FSIP1: variants seen among roughly 807,000 people sequenced by gnomAD.
FSIP1 encodes fibrous sheath-interacting protein 1.
A neutral mutation model predicts 60.9 loss-of-function variants in FSIP1; 65 were observed. That is an observed-to-expected ratio of 1.07 (90% CI 0.87 to 1.31). The LOEUF (loss-of-function observed/expected upper bound fraction) is 1.31. Ranked by LOEUF, FSIP1 falls within the 40% of genes most tolerant of loss-of-function variation. The probability of loss-of-function intolerance (pLI) is 0.00; values close to 1 mark genes in which losing one functional copy is unlikely to be tolerated. For missense variants in FSIP1, 675 were observed against 665.5 expected (o/e 1.01, Z -0.16); for synonymous variants, 209 against 221.2 (o/e 0.94, Z 0.49).
In FSIP1 at chr15:39,779,821, T is replaced by C. The variant is rs555955773; in HGVS notation, c.-8+2807A>G. ...GATTTAAAGCCAAAATGGGGACATA[T>C]GGCTGCTATAATTTGGTATTTTGAG... On this transcript the variant is annotated intron_variant, in intron 1 of 11. Transcript: ENST00000350221. 1.2e-4 allele frequency among the ~76,000 whole-genome samples: 19 copies of C among 152,330 alleles called. No individual in the cohort carries two copies. In the East Asian group the frequency reaches 3.3e-3, roughly 26 times the overall value.
chr15:39,653,175 CAAAA>C (rs35671970), intron 10 of FSIP1, among the ~76,000 whole-genome samples: 1 of 116,670 alleles, frequency 8.6e-6, no homozygotes, highest in Admixed American at 9.3e-5. Context: ...GACTTTGTCT[CAAAA>C]AAAAAAAAAA....
intron 9 of FSIP1, among the ~76,000 whole-genome samples, chr15:39,726,345 C>T (rs575928595): frequency 4.6e-5 from 7 of 152,036 alleles, no homozygotes; most frequent in South Asian, 4.2e-4. Context: ...TGATCATGAT[C>T]GAGATTTAGC....
chr15:39,749,515 G>A (rs1321459097), intron 5 of FSIP1, among the ~76,000 whole-genome samples: 2 of 151,992 alleles, frequency 1.3e-5, no homozygotes, highest in Non-Finnish European at 1.5e-5. Flanking sequence ...TTTAACTTAT[G>A]TAAATCAATC....
chr15:39,772,716 G>A (rs1204285811), intron 2 of FSIP1, among the ~76,000 whole-genome samples: 2 of 151,728 alleles, frequency 1.3e-5, no homozygotes, highest in Non-Finnish European at 2.9e-5. Flanking sequence ...TCAGCCTCCC[G>A]AGTAGCTGGG....
At chr15:39,726,983 G>T (rs918458515) in intron 8 of FSIP1, among the ~76,000 whole-genome samples, 6 of 152,136 alleles carry the variant, frequency 3.9e-5, no homozygotes, top group African/African-American at 1.4e-4. Flanking sequence ...TTTAAGGGGG[G>T]TTTCCCCTGT....
chr15:39,648,652 G>A (rs1195374733), intron 10 of FSIP1, among the ~76,000 whole-genome samples: 1 of 152,168 alleles, frequency 6.6e-6, no homozygotes, highest in East Asian at 1.9e-4. Flanking sequence ...ACTAACATTG[G>A]TGCCCAAAAG....
At chr15:39,690,753 C>T (rs555563081) in intron 10 of FSIP1, among the ~76,000 whole-genome samples, 20 of 152,338 alleles carry the variant, frequency 1.3e-4, no homozygotes, top group Middle Eastern at 3.4e-3. Context: ...TGATGCCTCA[C>T]ACTTGGGATC....
Position 39,600,836 on chromosome 15 carries a change from C to T in FSIP1, c.*44G>A. 1 of 1,493,860 alleles carries T rather than the reference C, an allele frequency of 6.7e-7. No homozygotes were observed. Among genetic ancestry groups the T allele is most frequent in the Non-Finnish European group, 9.2e-7 (1 of 1,087,478 alleles). The allele number at this position is 1,493,860 out of a possible 1,614,324, so 92.5% of individuals were successfully genotyped here. ...TAATTCAATAAGAAATTTAATTTAA[C>T]TTCATTACCAACTTTCTGAAAAGCA... On this transcript the variant is annotated 3_prime_UTR_variant, in exon 12 of 12. Coordinates refer to ENST00000350221, the MANE Select transcript of FSIP1 (RefSeq NM_152597.5).
chr15:39,736,922 G>A (rs1190333127), intron 8 of FSIP1, among the ~76,000 whole-genome samples: 1 of 152,096 alleles, frequency 6.6e-6, no homozygotes, highest in African/African-American at 2.4e-5. Context: ...GGGTGGGGAG[G>A]GAGTGATATC....
At chr15:39,606,813 G>C (rs556826581) in intron 11 of FSIP1, among the ~76,000 whole-genome samples, 1 of 152,110 alleles carries the variant, frequency 6.6e-6, no homozygotes, top group Non-Finnish European at 1.5e-5. Context: ...ATGAATTTCT[G>C]TTAATAATTA....
chr15:39,631,327 C>G (rs934103880), intron 10 of FSIP1, among the ~76,000 whole-genome samples: 1 of 152,106 alleles, frequency 6.6e-6, no homozygotes, highest in Non-Finnish European at 1.5e-5. Flanking sequence ...CCCCACATGA[C>G]TTTGTATGAC....
intron 5 of FSIP1, among the ~76,000 whole-genome samples, chr15:39,750,509 A>T (rs766072237): frequency 5.9e-5 from 9 of 151,962 alleles, no homozygotes; most frequent in Non-Finnish European, 1.0e-4. Flanking sequence ...CTAAGTTTTA[A>T]CAAGGGCCCA....
At chr15:39,773,095 T>C (rs931592366) in intron 2 of FSIP1, among the ~76,000 whole-genome samples, 2 of 152,090 alleles carry the variant, frequency 1.3e-5, no homozygotes, top group Non-Finnish European at 2.9e-5. Context: ...ATGAGAAATA[T>C]ATTATCACTA....
At chr15:39,666,168 A>G (rs1421446745) in intron 10 of FSIP1, among the ~76,000 whole-genome samples, 2 of 152,208 alleles carry the variant, frequency 1.3e-5, no homozygotes, top group Admixed American at 1.3e-4. Flanking sequence ...AAAATGGTGA[A>G]CTATGCTGAA....
chr15:39,653,697 T>C (rs1341751339), intron 10 of FSIP1, among the ~76,000 whole-genome samples: 1 of 152,134 alleles, frequency 6.6e-6, no homozygotes, highest in Non-Finnish European at 1.5e-5. Flanking sequence ...TCTCAAGAGA[T>C]CTGATAGCTT....
intron 10 of FSIP1, among the ~76,000 whole-genome samples, chr15:39,704,187 C>T (rs1895173850): frequency 6.6e-6 from 1 of 152,160 alleles, no homozygotes; most frequent in Non-Finnish European, 1.5e-5. Context: ...GTTGTATACT[C>T]TAAATACCAA....
intron 10 of FSIP1, among the ~76,000 whole-genome samples, chr15:39,685,372 T>A (rs1169906545): frequency 6.6e-6 from 1 of 152,114 alleles, no homozygotes; most frequent in Non-Finnish European, 1.5e-5. Context: ...AAAGTAAAAA[T>A]CCTCCTGGGG....
intron 10 of FSIP1, among the ~76,000 whole-genome samples, chr15:39,648,012 C>T (rs1317669819): frequency 2.2e-5 from 3 of 136,338 alleles, no homozygotes; most frequent in Non-Finnish European, 3.1e-5. Flanking sequence ...ACTCTGGGGA[C>T]TGTGGTGGGG....
chr15:39,741,336 A>G (rs1896794280), intron 6 of FSIP1, among the ~76,000 whole-genome samples: 1 of 152,214 alleles, frequency 6.6e-6, no homozygotes, highest in African/African-American at 2.4e-5. Flanking sequence ...CATAGCTGCC[A>G]TGTTCCTACA....
Sources: allele counts gnomAD v4.1 joint callset (sites outside exome capture counted in the v4.1 genomes callset), GRCh38; gene constraint gnomAD v4.1.1; transcripts MANE v1.5; gene names NCBI Gene and HGNC (gene_info 2026-07-23, HGNC 2026-07-21).